The following PRKD1 variants were observed in gnomAD, a reference collection of about 807,000 sequenced individuals.
PRKD1 encodes serine/threonine-protein kinase D1.
PRKD1 carries 63 observed loss-of-function variants against 95.9 expected under a neutral mutation model. That is an observed-to-expected ratio of 0.66 (90% CI 0.54 to 0.81). The LOEUF (loss-of-function observed/expected upper bound fraction) is 0.81. Ranked by LOEUF, PRKD1 falls within the 30% of genes least tolerant of loss-of-function variation. PRKD1 has a pLI of 0.00. For missense variants in PRKD1, 1,048 were observed against 1,165.3 expected (o/e 0.90, Z 1.47); for synonymous variants, 425 against 423.1 (o/e 1.00, Z -0.05).
At chr14:29,694,583 A>G (rs1196894411) in intron 2 of PRKD1, among the ~76,000 whole-genome samples, 1 of 152,248 alleles carries the variant, frequency 6.6e-6, no homozygotes, top group Non-Finnish European at 1.5e-5. Context: ...TCTAGTGAAG[A>G]CTGCATGCCA....
chr14:29,799,923 T>C (rs1046149885), intron 1 of PRKD1, among the ~76,000 whole-genome samples: 9 of 152,136 alleles, frequency 5.9e-5, no homozygotes, highest in African/African-American at 2.2e-4. Context: ...TTTTTTGCAT[T>C]TTGTGCTTCT....
At chr14:29,731,141 A>C (rs1886414478) in intron 1 of PRKD1, among the ~76,000 whole-genome samples, 1 of 152,142 alleles carries the variant, frequency 6.6e-6, no homozygotes, top group Admixed American at 6.6e-5. Flanking sequence ...TGTCAACTAA[A>C]ACCATTAATT....
At chr14:29,707,031 A>T (rs1250481905) in intron 2 of PRKD1, among the ~76,000 whole-genome samples, 2 of 151,998 alleles carry the variant, frequency 1.3e-5, no homozygotes, top group African/African-American at 2.4e-5. Flanking sequence ...CTAATGTATT[A>T]AAAAAAATGG....
At chr14:29,716,031 G>A (rs1431458112) in intron 2 of PRKD1, among the ~76,000 whole-genome samples, 6 of 152,114 alleles carry the variant, frequency 3.9e-5, no homozygotes, top group Non-Finnish European at 5.9e-5. Flanking sequence ...AGACCAGACC[G>A]TTAAACTTCC....
chr14:29,653,310 A>C (rs887668523), intron 4 of PRKD1, among the ~76,000 whole-genome samples: 1 of 152,208 alleles, frequency 6.6e-6, no homozygotes, highest in Admixed American at 6.5e-5. Flanking sequence ...GAATGTTAAG[A>C]ATAACCAAAA....
intron 1 of PRKD1, among the ~76,000 whole-genome samples, chr14:29,798,525 C>T (rs570092484): frequency 1.9e-4 from 29 of 152,250 alleles, no homozygotes; most frequent in Middle Eastern, 6.8e-3. Context: ...TTCTGACTAC[C>T]TAATATAATT....
chr14:29,838,308 G>A (rs369904968), intron 1 of PRKD1, among the ~76,000 whole-genome samples: 92 of 152,194 alleles, frequency 6.0e-4, no homozygotes, highest in African/African-American at 2.1e-3. Context: ...AAACTGCAGA[G>A]TATAATCAAG....
intron 1 of PRKD1, among the ~76,000 whole-genome samples, chr14:29,759,244 G>T (rs969565328): frequency 1.3e-5 from 2 of 150,404 alleles, no homozygotes; most frequent in Non-Finnish European, 3.0e-5. Context: ...TTATTAGGAC[G>T]CAAAAAAAAA....
At chr14:29,592,597 T>G (rs1392779824) in intron 16 of PRKD1, 1 of 152,146 alleles carries the variant, frequency 6.6e-6, no homozygotes, top group Non-Finnish European at 1.5e-5. Context: ...AAGTAAAGAC[T>G]ATAAAGTGAC....
chr14:29,652,009 G>A (rs956850750), intron 4 of PRKD1, among the ~76,000 whole-genome samples: 1 of 152,210 alleles, frequency 6.6e-6, no homozygotes, highest in Admixed American at 6.5e-5. Context: ...GCCTCCCAAA[G>A]TGTTGGGATT....
chr14:29,655,264 C>T lies in PRKD1; in HGVS notation c.696+8435G>A, dbSNP rs532711097. Among the ~76,000 whole-genome samples, 127 of 152,302 alleles carry T rather than the reference C, an allele frequency of 8.3e-4. 1 individual carries two copies. The highest frequency in any genetic ancestry group is 2.9e-3 in the African/African-American group (122 of 41,572). On this transcript the variant is annotated intron_variant, in intron 4 of 17. Coordinates refer to ENST00000331968, the MANE Select transcript of PRKD1 (RefSeq NM_002742.3). ...ACACTCACCTAGCTTTCACACTGGA[C>T]TTATTCTAAGTAGGACACTTTTTGA...
intron 10 of PRKD1, among the ~76,000 whole-genome samples, chr14:29,629,372 C>T (rs947443494): frequency 6.6e-6 from 1 of 152,152 alleles, no homozygotes; most frequent in Non-Finnish European, 1.5e-5. Flanking sequence ...AGCTTTGGTA[C>T]AAGCTTAGAC....
At chr14:29,739,269 C>T (rs1051528308) in intron 1 of PRKD1, among the ~76,000 whole-genome samples, 2 of 152,208 alleles carry the variant, frequency 1.3e-5, no homozygotes, top group Non-Finnish European at 2.9e-5. Flanking sequence ...AAATAACTTC[C>T]TTTTCTCATT....
chr14:29,595,943 TTC>T (rs1458990713), intron 16 of PRKD1, among the ~76,000 whole-genome samples: 1 of 152,254 alleles, frequency 6.6e-6, no homozygotes, highest in East Asian at 1.9e-4. Flanking sequence ...TATTTGATAA[TTC>T]TCTCTGTCTC....
At chr14:29,619,533 T>A (rs1202359037) in intron 13 of PRKD1, among the ~76,000 whole-genome samples, 1 of 152,196 alleles carries the variant, frequency 6.6e-6, no homozygotes, top group East Asian at 1.9e-4. Flanking sequence ...TGTATTCTAG[T>A]GGTAGAGCCA....
intron 1 of PRKD1, among the ~76,000 whole-genome samples, chr14:29,784,239 G>A (rs142805704): frequency 1.8e-3 from 275 of 151,270 alleles, no homozygotes; most frequent in Non-Finnish European, 3.1e-3. Flanking sequence ...CCTTTCCCCA[G>A]TATATGCTCT....
intron 1 of PRKD1, among the ~76,000 whole-genome samples, chr14:29,842,372 C>T (rs142178879): frequency 5.9e-5 from 9 of 152,348 alleles, no homozygotes; most frequent in African/African-American, 1.9e-4. Flanking sequence ...TTGACACCAG[C>T]ATCACCTCAA....
chr14:29,606,842 A>G (rs1002288106), intron 13 of PRKD1, among the ~76,000 whole-genome samples: 1 of 152,192 alleles, frequency 6.6e-6, no homozygotes, highest in Admixed American at 6.5e-5. Context: ...TTTAACCCAG[A>G]ACAGGTTTGA....
At chr14:29,771,284 T>C in intron 1 of PRKD1, among the ~76,000 whole-genome samples, 1 of 152,120 alleles carries the variant, frequency 6.6e-6, no homozygotes. Context: ...TGGAGAGCAC[T>C]GGGCTGCCCC....
Sources: allele counts gnomAD v4.1 joint callset (sites outside exome capture counted in the v4.1 genomes callset), GRCh38; gene constraint gnomAD v4.1.1; transcripts MANE v1.5; gene names NCBI Gene and HGNC (gene_info 2026-07-23, HGNC 2026-07-21).